The following EVI5 variants were observed in gnomAD, a reference collection of about 807,000 sequenced individuals.
EVI5 encodes ecotropic viral integration site 5, also known as ecotropic viral integration site 5 protein homolog.
In EVI5, 73 loss-of-function variants were observed where a neutral mutation model predicts 112.0. The ratio of observed to expected loss-of-function variants is 0.65; its 90% CI spans 0.54 to 0.79. EVI5 has a LOEUF of 0.79. EVI5 is among the 30% of genes least tolerant of loss of function. The probability of loss-of-function intolerance (pLI) is 0.00; values close to 1 mark genes in which losing one functional copy is unlikely to be tolerated. For synonymous variants in EVI5, 305 were observed against 319.9 expected, an observed-to-expected ratio of 0.95 and a Z score of 0.50; for missense variants, 900 against 968.8, an observed-to-expected ratio of 0.93 and a Z score of 0.94.
intron 10 of EVI5, among the ~76,000 whole-genome samples, chr1:92,666,439 T>C (rs1289809487): frequency 2.1e-5 from 2 of 97,196 alleles, no homozygotes; most frequent in Non-Finnish European, 4.1e-5. Context: ...CCCAGCTACC[T>C]GGGAGGCTGA....
At chr1:92,717,472 T>C (rs187365481) in intron 2 of EVI5, among the ~76,000 whole-genome samples, 7 of 152,142 alleles carry the variant, frequency 4.6e-5, no homozygotes, top group Non-Finnish European at 7.4e-5. Context: ...AGAAATAAAA[T>C]CCTTTACAGA....
intron 1 of EVI5, among the ~76,000 whole-genome samples, chr1:92,742,670 T>C (rs1241811729): frequency 1.3e-5 from 2 of 149,840 alleles, no homozygotes; most frequent in African/African-American, 2.5e-5. Context: ...CAAAACTCTG[T>C]CTCACAAAAA....
At chr1:92,531,413 A>G (rs1286340575) in intron 19 of EVI5, among the ~76,000 whole-genome samples, 2 of 152,178 alleles carry the variant, frequency 1.3e-5, no homozygotes, top group African/African-American at 4.8e-5. Flanking sequence ...GTAGGCCAAC[A>G]TTCAAATTCA....
intron 19 of EVI5, among the ~76,000 whole-genome samples, chr1:92,559,548 C>T (rs573871054): frequency 2.6e-5 from 4 of 151,612 alleles, no homozygotes; most frequent in Non-Finnish European, 1.5e-5. Context: ...CTGAGGCAGG[C>T]GGATCACAAG....
At chr1:92,712,709 T>C (rs1358631154) in intron 2 of EVI5, among the ~76,000 whole-genome samples, 1 of 152,080 alleles carries the variant, frequency 6.6e-6, no homozygotes, top group Admixed American at 6.6e-5. Context: ...AATAGAGACT[T>C]GAAAATATCT....
chr1:92,775,426 C>CA (rs35191247), intron 1 of EVI5, among the ~76,000 whole-genome samples: 4,421 of 100,022 alleles, frequency 0.044, 85 homozygotes, highest in Middle Eastern at 0.072. Context: ...GACTGCATTT[C>CA]AAAAAAAAAA....
At chr1:92,590,912 C>T (rs1180460674) in intron 18 of EVI5, among the ~76,000 whole-genome samples, 1 of 152,244 alleles carries the variant, frequency 6.6e-6, no homozygotes, top group Non-Finnish European at 1.5e-5. Context: ...AACAGCTGAT[C>T]TCTCAGCAGA....
intron 2 of EVI5, among the ~76,000 whole-genome samples, chr1:92,716,045 CA>C (rs773590576): frequency 3.9e-5 from 6 of 152,274 alleles, no homozygotes; most frequent in Admixed American, 2.6e-4. Context: ...TGTAGCTGAA[CA>C]AAAGGCAGCA....
rs2101617059 is a variant in EVI5 at position 92,512,032 on chromosome 1, A to C, written c.*1624T>G. 6.6e-6 allele frequency: 1 copy of C among 152,428 alleles called. No homozygotes were observed. The highest frequency in any genetic ancestry group is 1.5e-5 in the Non-Finnish European group (1 of 67,972). The allele number at this position is 152,428 out of a possible 1,614,324, so 9.4% of individuals were successfully genotyped here. A position where few individuals can be genotyped will look rare whatever the true frequency, so the allele number is the denominator to read the frequency against. ...CAAAATGTTTTTTTTTTCATAGGCT[A>C]ACAAAAATGAGAGTAGAAAGTACCC... On this transcript the variant is annotated 3_prime_UTR_variant, in exon 20 of 20. Coordinates refer to ENST00000684568, the MANE Select transcript of EVI5 (RefSeq NM_001350197.2).
chr1:92,737,671 G>C (rs924800995), intron 1 of EVI5, among the ~76,000 whole-genome samples: 7 of 151,830 alleles, frequency 4.6e-5, no homozygotes, highest in African/African-American at 1.7e-4. Context: ...TCTCCTCATT[G>C]GTTACCCAAG....
chr1:92,626,045 T>A, intron 14 of EVI5, 111 bp from the exon 15 acceptor site: 1 of 624,246 alleles, frequency 1.6e-6, no homozygotes, highest in Non-Finnish European at 2.8e-6. Context: ...TATACAGCTA[T>A]ACTGAAATAT....
chr1:92,634,109 A>T lies in EVI5; in HGVS notation c.1527+2093T>A, dbSNP rs141869044. On this transcript the variant is annotated intron_variant, in intron 14 of 19. Transcript: ENST00000684568. Reference sequence around the variant, plus strand: ...CGACCTTTCTCTCTGGCTGCCCTTAACATTTCTAAAACTTCATTTCAACTT... The same window carrying T: ...CGACCTTTCTCTCTGGCTGCCCTTATCATTTCTAAAACTTCATTTCAACTT... 6.8e-4 allele frequency among the ~76,000 whole-genome samples: 104 copies of T among 152,278 alleles called. 1 individual carries two copies. The highest frequency in any genetic ancestry group is 2.5e-3 in the African/African-American group (102 of 41,558).
At chr1:92,729,376 A>G (rs1380086692) in intron 2 of EVI5, among the ~76,000 whole-genome samples, 2 of 152,228 alleles carry the variant, frequency 1.3e-5, no homozygotes, top group Admixed American at 6.5e-5. Context: ...TCCCGCACAC[A>G]TAAGGGGGGA....
intron 14 of EVI5, among the ~76,000 whole-genome samples, chr1:92,633,578 G>C (rs879117474): frequency 6.6e-6 from 1 of 152,136 alleles, no homozygotes; most frequent in Admixed American, 6.5e-5. Flanking sequence ...TTGCATGTGA[G>C]ATGGGTTTCC....
intron 1 of EVI5, among the ~76,000 whole-genome samples, chr1:92,780,413 T>C (rs758768629): frequency 6.6e-6 from 1 of 150,666 alleles, no homozygotes; most frequent in Non-Finnish European, 1.5e-5. Context: ...AACAGAAGTG[T>C]GTTTGATGAA....
At chr1:92,536,582 T>C (rs1020201724) in intron 19 of EVI5, among the ~76,000 whole-genome samples, 2 of 152,220 alleles carry the variant, frequency 1.3e-5, no homozygotes, top group African/African-American at 2.4e-5. Flanking sequence ...TCATTAAGGA[T>C]ACATAAGTAT....
At chr1:92,570,011 T>C (rs1670083965) in intron 18 of EVI5, among the ~76,000 whole-genome samples, 1 of 152,042 alleles carries the variant, frequency 6.6e-6, no homozygotes, top group Non-Finnish European at 1.5e-5. Flanking sequence ...CCATTGTCAG[T>C]TCTGTCTGTA....
Position 92,570,243 on chromosome 1 carries a change from C to CT in EVI5, c.2071-6507dup, listed in dbSNP as rs1251542232. ...TAAACTGATATACTTCCAAGGGGGACTAATTTGATAAGAATCACCCATTTG... is the reference window on the plus strand; with the variant it reads ...TAAACTGATATACTTCCAAGGGGGACTTAATTTGATAAGAATCACCCATTTG... On this transcript the variant is annotated intron_variant, in intron 18 of 19. Coordinates refer to ENST00000684568, the MANE Select transcript of EVI5 (RefSeq NM_001350197.2). Among the ~76,000 whole-genome samples, 10 of 152,194 alleles carry CT rather than the reference C, an allele frequency of 6.6e-5. No homozygotes were observed. The East Asian group carries it at 1.5e-3, about 23-fold the overall frequency.
chr1:92,632,982 T>A (rs1657546044), intron 14 of EVI5, among the ~76,000 whole-genome samples: 1 of 152,176 alleles, frequency 6.6e-6, no homozygotes, highest in Non-Finnish European at 1.5e-5. Flanking sequence ...AGTTGATCGG[T>A]TTTGAGTGAG....
Sources: allele counts gnomAD v4.1 joint callset (sites outside exome capture counted in the v4.1 genomes callset), GRCh38; gene constraint gnomAD v4.1.1; transcripts MANE v1.5; gene names NCBI Gene and HGNC (gene_info 2026-07-23, HGNC 2026-07-21).